TRMO: variants seen among roughly 807,000 people sequenced by gnomAD.
The protein encoded by TRMO is tRNA (adenine(37)-N6)-methyltransferase.
Under a neutral mutation model 37.2 loss-of-function variants are expected in TRMO, and 30 were observed. That is an observed-to-expected ratio of 0.81 (90% CI 0.60 to 1.09). The LOEUF is 1.09. TRMO is among the 50% of genes least tolerant of loss of function. The pLI, the probability that TRMO is intolerant of heterozygous loss-of-function variation, is 0.00. For synonymous variants in TRMO, 239 were observed against 199.4 expected (o/e 1.20, Z -1.67); for missense variants, 552 against 549.5 (o/e 1.00, Z -0.05).
chr9:97,904,981 C>A lies in TRMO; in HGVS notation c.1078G>T (p.Ala360Ser), dbSNP rs1490897528. Reference sequence around the variant, plus strand: ...GCTGACTGAAAATATTTAAATGACGCCTGACCAACATCTGCAATGAAAAAA... The same window carrying A: ...GCTGACTGAAAATATTTAAATGACGACTGACCAACATCTGCAATGAAAAAA... ...GQLSSQDVGQ[A>S]SFKYFQSAEE... The change falls in exon 5 of 5, where the codon GCG (alanine) becomes TCG (serine). Residue 360 changes from alanine (A) to serine (S), a missense_variant. Coordinates refer to ENST00000375119, the MANE Select transcript of TRMO (RefSeq NM_016481.5). 6.2e-7 allele frequency: 1 copy of A among 1,612,730 alleles called. No individual in the cohort carries two copies. The highest frequency in any genetic ancestry group is 8.5e-7 in the Non-Finnish European group (1 of 1,178,870).
In TRMO at chr9:97,913,398, T is replaced by C. The variant is rs1467357466; in HGVS notation, c.409+3A>G. On this transcript the variant is annotated splice_donor_region_variant and intron_variant, in intron 3 of 4. Coordinates refer to ENST00000375119, the MANE Select transcript of TRMO (RefSeq NM_016481.5). Reference sequence around the variant, plus strand: ...AGGTAAAAGTAGAAATGAAATGGGTTACCTTCTACCTTTTCCAGCTTGGCC... The same window carrying C: ...AGGTAAAAGTAGAAATGAAATGGGTCACCTTCTACCTTTTCCAGCTTGGCC... 1 of 1,613,882 alleles carries C rather than the reference T, an allele frequency of 6.2e-7. No individual in the cohort carries two copies. The highest frequency in any genetic ancestry group is 1.1e-5 in the South Asian group (1 of 91,082).
chr9:97,904,941 C>G lies in TRMO; in HGVS notation c.1118G>C (p.Arg373Pro), dbSNP rs763559877. 4 of 1,614,158 alleles carry G rather than the reference C, an allele frequency of 2.5e-6. No individual in the cohort carries two copies. The South Asian group carries it at 4.4e-5, about 18-fold the overall frequency. The change falls in exon 5 of 5, where the codon CGT (arginine) becomes CCT (proline). Residue 373 changes from arginine to proline, a missense_variant. Coordinates refer to ENST00000375119, the MANE Select transcript of TRMO (RefSeq NM_016481.5). ...CGCTGACAGCACAGCCTCAATGGCA[C>G]GCTTTGCTTCCTCTGCTGACTGAAA... ...KYFQSAEEAK[R>P]AIEAVLSADP...
intron 3 of TRMO, chr9:97,911,022 G>C (rs931673477): frequency 1.5e-5 from 7 of 458,980 alleles, no homozygotes; most frequent in African/African-American, 1.0e-4. Context: ...ACTCATCTTT[G>C]TATCACTGGT....
At chr9:97,898,933 A>G in the TRMO span, among the ~76,000 whole-genome samples, 2,475 of 134,196 alleles carry the variant, frequency 0.018, 60 homozygotes, top group Non-Finnish European at 0.021. Context: ...TCCGCCTCCC[A>G]GGTTCACGCC....
chr9:97,899,992 G>C (rs950404851), downstream of TRMO, among the ~76,000 whole-genome samples: 15 of 152,170 alleles, frequency 9.9e-5, no homozygotes, highest in African/African-American at 3.4e-4. Flanking sequence ...GGGAGGTCAA[G>C]GCTGCAGTGA....
chr9:97,910,826 C>T (rs1826090792), intron 3 of TRMO: 2 of 619,758 alleles, frequency 3.2e-6, no homozygotes, highest in Admixed American at 2.8e-5. Flanking sequence ...TCTTTGAGGC[C>T]CTCAAAAGCA....
At chr9:97,907,211 C>T (rs1444327889) in intron 4 of TRMO, among the ~76,000 whole-genome samples, 1 of 152,232 alleles carries the variant, frequency 6.6e-6, no homozygotes, top group Non-Finnish European at 1.5e-5. Context: ...GCATACGGCA[C>T]TTGGCTGAAG....
downstream of TRMO, among the ~76,000 whole-genome samples, chr9:97,899,814 A>C (rs977658276): frequency 2.6e-5 from 4 of 152,068 alleles, no homozygotes; most frequent in East Asian, 7.7e-4. Context: ...AGATAGTTTG[A>C]GCCCAGGGGC....
At chr9:97,899,041 C>T in the TRMO span, among the ~76,000 whole-genome samples, 11 of 151,470 alleles carry the variant, frequency 7.3e-5, no homozygotes, top group Non-Finnish European at 1.2e-4. Context: ...GGTTTCACCA[C>T]GTTAGCCAGG....
chr9:97,916,659 A>G (rs1826375385), intron 1 of TRMO, among the ~76,000 whole-genome samples: 1 of 151,874 alleles, frequency 6.6e-6, no homozygotes, highest in Admixed American at 6.6e-5. Flanking sequence ...TATGCTACCA[A>G]TACTAAGTCA....
At chr9:97,897,882 G>A in the TRMO span, among the ~76,000 whole-genome samples, 10 of 151,906 alleles carry the variant, frequency 6.6e-5, 1 homozygote, top group South Asian at 2.1e-3. Flanking sequence ...TTAGATGTGG[G>A]GTCTTGCTCT....
chr9:97,920,410 A>G (rs973189918), intron 1 of TRMO, among the ~76,000 whole-genome samples: 4 of 152,234 alleles, frequency 2.6e-5, no homozygotes, highest in Non-Finnish European at 5.9e-5. Flanking sequence ...AAAACAACAC[A>G]GGGCCACTAC....
chr9:97,902,132 A>G (rs1209048074), downstream of TRMO, among the ~76,000 whole-genome samples: 2 of 152,194 alleles, frequency 1.3e-5, no homozygotes, highest in Admixed American at 1.3e-4. Context: ...TCTCACGTTC[A>G]GGAAGAATGT....
the TRMO span, among the ~76,000 whole-genome samples, chr9:97,898,445 C>G: frequency 6.6e-6 from 1 of 152,248 alleles, no homozygotes; most frequent in East Asian, 1.9e-4. Context: ...GATCCTCCTA[C>G]CTCAGCCCCC....
At chr9:97,902,449 C>A (rs7855917), downstream of TRMO, among the ~76,000 whole-genome samples, 30,418 of 151,998 alleles carry the variant, frequency 0.2, 3,323 homozygotes, top group Non-Finnish European at 0.24. Flanking sequence ...TACAGGCATG[C>A]GCCATTACCA....
intron 1 of TRMO, among the ~76,000 whole-genome samples, chr9:97,919,960 T>C (rs1305640603): frequency 6.6e-6 from 1 of 152,202 alleles, no homozygotes; most frequent in Non-Finnish European, 1.5e-5. Context: ...ATCCATATCC[T>C]AGTACGTCTG....
chr9:97,896,939 A>G, the TRMO span, among the ~76,000 whole-genome samples: 4 of 152,252 alleles, frequency 2.6e-5, no homozygotes, highest in East Asian at 7.7e-4. Flanking sequence ...TTCATAAGGT[A>G]CTGAAGAGAA....
At chr9:97,905,927 A>G (rs1424353142) in intron 4 of TRMO, among the ~76,000 whole-genome samples, 1 of 152,170 alleles carries the variant, frequency 6.6e-6, no homozygotes, top group Non-Finnish European at 1.5e-5. Flanking sequence ...AGGCCAAGGC[A>G]GGAGGCTCAC....
chr9:97,918,000 T>A (rs1355876860), intron 1 of TRMO, among the ~76,000 whole-genome samples: 1 of 151,962 alleles, frequency 6.6e-6, no homozygotes, highest in African/African-American at 2.4e-5. Context: ...CCAATTTTTT[T>A]AACAGTGGTT....
Sources: gnomAD v4.1 joint callset for allele counts (sites outside exome capture counted in the v4.1 genomes callset) on GRCh38, gnomAD v4.1.1 for gene constraint, MANE v1.5 for transcripts, NCBI Gene and HGNC (gene_info 2026-07-23, HGNC 2026-07-21) for gene names.